The following RASA2 variants were observed in gnomAD, a reference collection of about 807,000 sequenced individuals.
RASA2 encodes the protein ras GTPase-activating protein 2.
In RASA2, 155 loss-of-function variants were observed where a neutral mutation model predicts 118.2. That is an observed-to-expected ratio of 1.31 (90% CI 1.15 to 1.50). The LOEUF (loss-of-function observed/expected upper bound fraction) is 1.50, where lower values mean the gene tolerates loss of function less well. Ranked by LOEUF, RASA2 falls within the 40% of genes most tolerant of loss-of-function variation. RASA2 has a pLI of 0.00. For missense variants in RASA2, 1,016 were observed against 1,009.6 expected (o/e 1.01, Z -0.09); for synonymous variants, 353 against 349.1 (o/e 1.01, Z -0.12).
chr3:141,538,607 A>G (rs1292955100), intron 4 of RASA2, among the ~76,000 whole-genome samples: 1 of 152,164 alleles, frequency 6.6e-6, no homozygotes, highest in Non-Finnish European at 1.5e-5. Flanking sequence ...AGTGTTTTAC[A>G]GTTTAGAAAT....
At chr3:141,492,060 G>A (rs1023944643) in intron 1 of RASA2, among the ~76,000 whole-genome samples, 4 of 152,150 alleles carry the variant, frequency 2.6e-5, no homozygotes, top group Non-Finnish European at 5.9e-5. Flanking sequence ...ATAGAAACTG[G>A]GGAGAAAAGG....
chr3:141,571,653 A>C, intron 11 of RASA2, 99 bp downstream of exon 11: 1 of 1,211,144 alleles, frequency 8.3e-7, no homozygotes, highest in Non-Finnish European at 1.2e-6. Flanking sequence ...TGTATTGATC[A>C]GCCTTACTGT....
chr3:141,542,161 A>G (rs943235989), intron 5 of RASA2, among the ~76,000 whole-genome samples: 2 of 151,426 alleles, frequency 1.3e-5, no homozygotes, highest in African/African-American at 4.9e-5. Context: ...AAAAGGCGTT[A>G]CTCAGAGATG....
Position 141,609,447 on chromosome 3 carries a change from T to A in RASA2, c.2253T>A (p.Asp751Glu). The A allele has an allele frequency of 1.2e-6, 2 of 1,600,960 alleles. No homozygotes were observed. The highest frequency in any genetic ancestry group is 1.7e-6 in the Non-Finnish European group (2 of 1,170,892). ...GTGTCCCTGCAGACATCCAAATAGA[T>A]ATTGATGAAGACAGAGAAACAGAAA... ...TAGVPADIQIDIDEDRETERI... is the reference protein window; with the variant it reads ...TAGVPADIQIEIDEDRETERI... The change falls in exon 22 of 24, where the codon GAT becomes GAA. Residue 751 changes from aspartate (D) to glutamate (E), a missense_variant. By Grantham distance (45) the Asp-to-Glu change is conservative. Coordinates refer to ENST00000286364, the MANE Select transcript of RASA2 (RefSeq NM_006506.5).
intron 1 of RASA2, among the ~76,000 whole-genome samples, chr3:141,505,190 G>A (rs2081846256): frequency 6.6e-6 from 1 of 152,190 alleles, no homozygotes; most frequent in Non-Finnish European, 1.5e-5. Flanking sequence ...TTAAGAGTTT[G>A]TGGTATTTGT....
intron 1 of RASA2, 84 bp from the exon 2 acceptor site, chr3:141,512,075 GTTCT>G (rs1230358787): frequency 1.3e-6 from 1 of 765,784 alleles, no homozygotes; most frequent in Non-Finnish European, 2.1e-6. Flanking sequence ...ACATTAATAT[GTTCT>G]TTCAGATTGA....
intron 1 of RASA2, among the ~76,000 whole-genome samples, chr3:141,507,559 A>G (rs1049999449): frequency 6.6e-6 from 1 of 152,194 alleles, no homozygotes; most frequent in Non-Finnish European, 1.5e-5. Flanking sequence ...GGAGTCTACT[A>G]CTGTTAGGAA....
chr3:141,531,656 T>G (rs1490679107), intron 4 of RASA2, among the ~76,000 whole-genome samples: 1 of 152,036 alleles, frequency 6.6e-6, no homozygotes, highest in East Asian at 1.9e-4. Context: ...TTTAAAAATT[T>G]TGTACAAGTT....
chr3:141,548,194 T>G (rs2082516369), intron 5 of RASA2, among the ~76,000 whole-genome samples: 1 of 152,208 alleles, frequency 6.6e-6, no homozygotes, highest in African/African-American at 2.4e-5. Context: ...AACACTGGCC[T>G]CATAGGATGA....
At chr3:141,560,708 C>T (rs1231822342) in intron 9 of RASA2, among the ~76,000 whole-genome samples, 4 of 152,140 alleles carry the variant, frequency 2.6e-5, no homozygotes, top group African/African-American at 9.6e-5. Context: ...GCGTGTGTAT[C>T]CTTTCAGTAT....
At chr3:141,540,703 C>T (rs994291719) in intron 5 of RASA2, 94 bp downstream of exon 5, 22 of 1,097,216 alleles carry the variant, frequency 2.0e-5, no homozygotes, top group Non-Finnish European at 2.8e-5. Context: ...ACTTCAGAAA[C>T]TTTTTTCAAA....
At chr3:141,582,709 T>C (rs1177806415) in intron 17 of RASA2, among the ~76,000 whole-genome samples, 1 of 152,192 alleles carries the variant, frequency 6.6e-6, no homozygotes, top group East Asian at 1.9e-4. Context: ...TGCCCTAATA[T>C]CCTAGTTTCC....
rs901881001 is a variant in RASA2, at chr3:141,613,859, T to C, written c.*1546T>C. 1 of 152,204 alleles carries C rather than the reference T, an allele frequency of 6.6e-6. No homozygotes were observed. The highest frequency in any genetic ancestry group is 1.5e-5 in the Non-Finnish European group (1 of 68,032). 9.4% of individuals were successfully genotyped at this position (152,204 alleles called of 1,614,324 possible). On this transcript the variant is annotated 3_prime_UTR_variant, in exon 24 of 24. Transcript: ENST00000286364. ...TAAATGACTTGTAAAAATCAATGAATTATGTTTAAGTCTGCATTATGGTAG... is the reference window on the plus strand; with the variant it reads ...TAAATGACTTGTAAAAATCAATGAACTATGTTTAAGTCTGCATTATGGTAG...
At chr3:141,529,174 G>C (rs2082223612) in intron 3 of RASA2, among the ~76,000 whole-genome samples, 1 of 152,008 alleles carries the variant, frequency 6.6e-6, no homozygotes, top group African/African-American at 2.4e-5. Flanking sequence ...TTTGATAAAA[G>C]TAAATTCTTA....
chr3:141,569,290 T>C (rs2082874067), intron 9 of RASA2, among the ~76,000 whole-genome samples: 1 of 152,168 alleles, frequency 6.6e-6, no homozygotes, highest in Non-Finnish European at 1.5e-5. Flanking sequence ...GTTTGAACAA[T>C]TTTTTAACTC....
intron 5 of RASA2, among the ~76,000 whole-genome samples, chr3:141,549,490 T>C (rs867223967): frequency 6.6e-6 from 1 of 150,726 alleles, no homozygotes; most frequent in African/African-American, 2.4e-5. Flanking sequence ...TGTGCGTGTG[T>C]GTGTGTGTGT....
chr3:141,516,222 AAG>A (rs2082023428), intron 2 of RASA2, 104 bp from the exon 3 acceptor site: 4 of 760,194 alleles, frequency 5.3e-6, no homozygotes, highest in Admixed American at 9.6e-5. Flanking sequence ...ATATTAAAAA[AAG>A]AAAGTGATAT....
chr3:141,587,501 C>A (rs2083222972), intron 19 of RASA2, among the ~76,000 whole-genome samples: 5 of 152,030 alleles, frequency 3.3e-5, no homozygotes, highest in African/African-American at 1.2e-4. Flanking sequence ...TACTTGAGGT[C>A]AGGAGTTTGA....
At chr3:141,572,784 A>G (rs1256229272) in intron 12 of RASA2, 61 bp downstream of exon 12, 7 of 1,259,188 alleles carry the variant, frequency 5.6e-6, no homozygotes, top group East Asian at 2.4e-5. Context: ...TCTTTTATCA[A>G]GTGATCTATT....
Sources: allele counts gnomAD v4.1 joint callset (sites outside exome capture counted in the v4.1 genomes callset), GRCh38; gene constraint gnomAD v4.1.1; transcripts MANE v1.5; gene names NCBI Gene and HGNC (gene_info 2026-07-23, HGNC 2026-07-21).